BCAS3: variants seen among roughly 807,000 people sequenced by gnomAD.
BCAS3 encodes BCAS3 microtubule associated cell migration factor.
Under a neutral mutation model 116.1 loss-of-function variants are expected in BCAS3, and 53 were observed. The ratio of observed to expected loss-of-function variants is 0.46; its 90% confidence interval spans 0.37 to 0.57. The LOEUF (loss-of-function observed/expected upper bound fraction) is 0.57, where lower values mean the gene tolerates loss of function less well. BCAS3 is among the 20% of genes least tolerant of loss of function. The pLI, the probability that BCAS3 is intolerant of heterozygous loss-of-function variation, is 0.00. For synonymous variants in BCAS3, 391 were observed against 408.2 expected, an observed-to-expected ratio of 0.96 and a Z score of 0.51; for missense variants, 917 against 1,165.4, an observed-to-expected ratio of 0.79 and a Z score of 3.10.
At chr17:61,022,839 T>C (rs1287148232) in intron 16 of BCAS3, among the ~76,000 whole-genome samples, 4 of 152,056 alleles carry the variant, frequency 2.6e-5, no homozygotes, top group Non-Finnish European at 5.9e-5. Flanking sequence ...TAGGTCTTGC[T>C]GTATTGCCCA....
At chr17:60,848,986 C>G (rs557475386) in intron 7 of BCAS3, among the ~76,000 whole-genome samples, 1 of 152,174 alleles carries the variant, frequency 6.6e-6, no homozygotes. Flanking sequence ...AGATGCAAAA[C>G]GAGAGTCCTT....
chr17:60,765,049 C>G (rs2043947116), intron 6 of BCAS3, among the ~76,000 whole-genome samples: 1 of 152,076 alleles, frequency 6.6e-6, no homozygotes. Flanking sequence ...CTTGGTAGAA[C>G]TTCCTCCATC....
intron 15 of BCAS3, among the ~76,000 whole-genome samples, chr17:61,001,523 G>A (rs1374770379): frequency 6.6e-6 from 1 of 152,078 alleles, no homozygotes; most frequent in Non-Finnish European, 1.5e-5. Context: ...CTGTTTACTT[G>A]TGGATTGAAG....
chr17:60,984,895 A>G (rs1324344949), intron 14 of BCAS3, among the ~76,000 whole-genome samples: 2 of 150,918 alleles, frequency 1.3e-5, no homozygotes, highest in East Asian at 4.0e-4. Context: ...CTGTAATCCC[A>G]GCTATTTGGG....
At chr17:61,304,147 T>C (rs1319937682) in intron 22 of BCAS3, among the ~76,000 whole-genome samples, 3 of 152,212 alleles carry the variant, frequency 2.0e-5, no homozygotes, top group Non-Finnish European at 4.4e-5. Flanking sequence ...TTTATCCTTT[T>C]CATCCCTATT....
At position 60,990,260 on chromosome 17, in the gene BCAS3, A is replaced by G. The variant is rs722681; in HGVS notation, c.1486+25A>G. The G allele has an allele frequency of 0.033, 52,709 of 1,604,546 alleles. 11,095 individuals are homozygous for G. In the African/African-American group the frequency reaches 0.53, roughly 16 times the overall value. ...GGTAATTTTCTCTGTCTCCACTGTTATCTTGAATCTTCCTTCCCTTTGTCC... is the reference window on the plus strand; with the variant it reads ...GGTAATTTTCTCTGTCTCCACTGTTGTCTTGAATCTTCCTTCCCTTTGTCC... On this transcript the variant is annotated intron_variant, in intron 15 of 23. Transcript: ENST00000407086. This position sits in a 1 kb window ranked among gnomAD's most constrained non-coding sequence, Gnocchi z 5.1.
At chr17:61,234,741 A>C (rs2082893532) in intron 22 of BCAS3, among the ~76,000 whole-genome samples, 2 of 146,926 alleles carry the variant, frequency 1.4e-5, no homozygotes, top group South Asian at 4.3e-4. Flanking sequence ...CAGTCTTCCC[A>C]CTGACTGTTA....
Position 61,105,742 on chromosome 17 carries a change from C to A in BCAS3, c.2425+21178C>A, listed in dbSNP as rs1257096776. Among the ~76,000 whole-genome samples, 1 of 149,718 alleles carries A rather than the reference C, an allele frequency of 6.7e-6. No individual in the cohort carries two copies. The highest frequency in any genetic ancestry group is 1.5e-5 in the Non-Finnish European group (1 of 67,552). ...GTGCCCGGCCTAAACCCACAGAATTCTTATACCTCTTGCTTTAAGTGTTGG... is the reference window on the plus strand; with the variant it reads ...GTGCCCGGCCTAAACCCACAGAATTATTATACCTCTTGCTTTAAGTGTTGG... On this transcript the variant is annotated intron_variant, in intron 22 of 23. Coordinates refer to ENST00000407086, the MANE Select transcript of BCAS3 (RefSeq NM_017679.5). The surrounding 1 kb of genome is among the most constrained non-coding windows in gnomAD (Gnocchi z 4.3).
rs1412827276 is a variant in BCAS3, at chr17:61,037,893, G to C, written c.1767G>C (p.Gln589His). 4 of 1,613,480 alleles carry C rather than the reference G, an allele frequency of 2.5e-6. No homozygotes were observed. The South Asian group carries it at 4.4e-5, about 18-fold the overall frequency. The change falls in exon 18 of 24, where the codon CAG becomes CAC. Residue 589 changes from glutamine (Q) to histidine (H), a missense_variant. This residue lies in a region of BCAS3 where 807 missense variants were observed against 1,026.0 expected (regional missense o/e 0.79). Coordinates refer to ENST00000407086, the MANE Select transcript of BCAS3 (RefSeq NM_017679.5). The surrounding 1 kb of genome is among the most constrained non-coding windows in gnomAD (Gnocchi z 4.7). Reference protein sequence around the residue: ...NNAGLKREKDQSKQVVVESLY... With the variant: ...NNAGLKREKDHSKQVVVESLY... ...GTTCTGTTTCTCTGTTTGTAGATCA[G>C]TCCAAACAAGTTGTAGTTGAGTCCC...
chr17:61,275,414 T>C (rs1161109818), intron 22 of BCAS3, among the ~76,000 whole-genome samples: 1 of 152,268 alleles, frequency 6.6e-6, no homozygotes, highest in East Asian at 1.9e-4. Flanking sequence ...TCTGTTGCCA[T>C]TGAGTCTCTT....
chr17:61,260,729 G>A (rs747931046), intron 22 of BCAS3, among the ~76,000 whole-genome samples: 23 of 152,200 alleles, frequency 1.5e-4, no homozygotes, highest in African/African-American at 2.2e-4. Context: ...ACTTTGTACC[G>A]ACTAACATAG....
At chr17:60,717,905 C>T (rs2038813717) in intron 5 of BCAS3, among the ~76,000 whole-genome samples, 1 of 152,138 alleles carries the variant, frequency 6.6e-6, no homozygotes, top group African/African-American at 2.4e-5. Flanking sequence ...AGTGGGAGCC[C>T]TGAGCTTGCT....
At chr17:60,766,824 G>C (rs557803931) in intron 6 of BCAS3, among the ~76,000 whole-genome samples, 1 of 152,250 alleles carries the variant, frequency 6.6e-6, no homozygotes, top group Admixed American at 6.5e-5. Flanking sequence ...AGAGGCAGGC[G>C]GGCCCTGTTG....
At chr17:60,937,077 T>C (rs1258973819) in intron 13 of BCAS3, among the ~76,000 whole-genome samples, 3 of 152,206 alleles carry the variant, frequency 2.0e-5, no homozygotes, top group South Asian at 2.1e-4. Flanking sequence ...TTTCTACATA[T>C]GGCTAGCCAG....
chr17:61,361,336 C>T lies in BCAS3; in HGVS notation c.2426-6991C>T, dbSNP rs559436591. On this transcript the variant is annotated intron_variant, in intron 22 of 23. Transcript: ENST00000407086. This position sits in a 1 kb window ranked among gnomAD's most constrained non-coding sequence, Gnocchi z 6.5. Reference sequence around the variant, plus strand: ...GTGCATTATGCAATTGCATATTTTGCAGTTGTGAAAATGGTCTCCTTGTCA... The same window carrying T: ...GTGCATTATGCAATTGCATATTTTGTAGTTGTGAAAATGGTCTCCTTGTCA... Among the ~76,000 whole-genome samples, 46 of 152,198 alleles carry T rather than the reference C, an allele frequency of 3.0e-4. No individual in the cohort carries two copies. Among genetic ancestry groups the T allele is most frequent in the African/African-American group, 1.1e-3 (46 of 41,524 alleles).
intron 23 of BCAS3, chr17:61,383,245 G>A (rs1438748420): frequency 6.6e-6 from 1 of 152,294 alleles, no homozygotes; most frequent in Non-Finnish European, 1.5e-5. Flanking sequence ...GCCAGGCCAG[G>A]TACAGGGAGG....
rs182866904 is a variant in BCAS3, at chr17:61,217,108, C to T, written c.2425+132544C>T. ...CATCCTGGCTAACACGGTGAAACCC[C>T]GTCTCTACTAAAAAAATACAAAAAA... On this transcript the variant is annotated intron_variant, in intron 22 of 23. Coordinates refer to ENST00000407086, the MANE Select transcript of BCAS3 (RefSeq NM_017679.5). The surrounding 1 kb of genome is among the most constrained non-coding windows in gnomAD (Gnocchi z 5.2). Among the ~76,000 whole-genome samples, 553 of 151,446 alleles carry T rather than the reference C, an allele frequency of 3.7e-3. 3 individuals carry two copies. The highest frequency in any genetic ancestry group is 0.013 in the African/African-American group (533 of 41,308).
At chr17:61,298,031 G>A (rs1369699452) in intron 22 of BCAS3, among the ~76,000 whole-genome samples, 2 of 152,112 alleles carry the variant, frequency 1.3e-5, no homozygotes, top group Non-Finnish European at 2.9e-5. Flanking sequence ...GCAAGTCATA[G>A]GTTTCTCTCT....
chr17:60,712,641 G>A (rs1302997018), intron 5 of BCAS3, among the ~76,000 whole-genome samples: 1 of 152,174 alleles, frequency 6.6e-6, no homozygotes, highest in Non-Finnish European at 1.5e-5. Context: ...TGACATGTGA[G>A]TAGTTTTGTA....
Sources: gnomAD v4.1 joint callset for allele counts (sites outside exome capture counted in the v4.1 genomes callset) on GRCh38, gnomAD v4.1.1 for gene constraint, gnomAD v4.1.1 regional missense constraint, Gnocchi (gnomAD v3.1) non-coding constraint, MANE v1.5 for transcripts, NCBI Gene and HGNC (gene_info 2026-07-23, HGNC 2026-07-21) for gene names.